MARCHF1: variants seen among roughly 807,000 people sequenced by gnomAD.
The protein encoded by MARCHF1 is membrane associated ring-CH-type finger 1, also known as E3 ubiquitin-protein ligase MARCHF1.
In MARCHF1, 40 loss-of-function variants were observed where a neutral mutation model predicts 54.2. That is an observed-to-expected ratio of 0.74 (90% CI 0.57 to 0.96). The LOEUF (loss-of-function observed/expected upper bound fraction) is 0.96, where lower values mean the gene tolerates loss of function less well. Ranked by LOEUF, MARCHF1 falls within the 40% of genes least tolerant of loss-of-function variation. The pLI is 0.00. For missense variants in MARCHF1, 586 were observed against 656.5 expected (o/e 0.89, Z 1.17); for synonymous variants, 236 against 236.3 (o/e 1.00, Z 0.01).
chr4:164,139,514 AGGAGAAAGAG>A (rs1756475560), intron 1 of MARCHF1, among the ~76,000 whole-genome samples: 1 of 151,788 alleles, frequency 6.6e-6, no homozygotes, highest in South Asian at 2.1e-4. Context: ...AAAGAAGGAA[AGGAGAAAGAG>A]GGAGAAAGAG....
chr4:163,878,679 T>C (rs1250277670), intron 3 of MARCHF1, among the ~76,000 whole-genome samples: 2 of 152,220 alleles, frequency 1.3e-5, no homozygotes, highest in Non-Finnish European at 2.9e-5. Context: ...GTTGAAGGAC[T>C]CTTTCCCTAA....
intron 1 of MARCHF1, among the ~76,000 whole-genome samples, chr4:164,247,934 G>A (rs573488078): frequency 6.6e-6 from 1 of 151,140 alleles, no homozygotes; most frequent in African/African-American, 2.4e-5. Context: ...TTAAGAGCTT[G>A]GGAATGTGAG....
At chr4:164,325,985 A>G (rs1046637602) in intron 1 of MARCHF1, among the ~76,000 whole-genome samples, 1 of 152,194 alleles carries the variant, frequency 6.6e-6, no homozygotes, top group Non-Finnish European at 1.5e-5. Flanking sequence ...ACTATTGTAC[A>G]TTTTTATGTC....
At chr4:163,729,398 C>T (rs1393106436) in intron 4 of MARCHF1, among the ~76,000 whole-genome samples, 7 of 117,766 alleles carry the variant, frequency 5.9e-5, no homozygotes, top group African/African-American at 9.2e-5. Context: ...GTTCACTCAA[C>T]TGCTTCTGGT....
intron 1 of MARCHF1, among the ~76,000 whole-genome samples, chr4:164,379,791 G>A (rs1731314631): frequency 1.3e-5 from 2 of 151,862 alleles, no homozygotes; most frequent in South Asian, 4.2e-4. Context: ...TTTTAGCATA[G>A]ATGGTGAAAC....
intron 4 of MARCHF1, among the ~76,000 whole-genome samples, chr4:163,789,484 C>A (rs1001843676): frequency 6.6e-6 from 1 of 151,812 alleles, no homozygotes. Flanking sequence ...TGCACTTGCA[C>A]CCCTGAACTT....
chr4:163,931,217 A>AAATTT (rs1032863066), intron 3 of MARCHF1, among the ~76,000 whole-genome samples: 2 of 152,158 alleles, frequency 1.3e-5, no homozygotes, highest in African/African-American at 4.8e-5. Flanking sequence ...GTGAGAAAAT[A>AAATTT]AATTTCTGTT....
At chr4:164,362,640 G>T (rs2110929932) in intron 1 of MARCHF1, among the ~76,000 whole-genome samples, 1 of 152,250 alleles carries the variant, frequency 6.6e-6, no homozygotes, top group South Asian at 2.1e-4. Flanking sequence ...TTTGTTACTA[G>T]TTAAAACTTA....
At chr4:164,176,970 C>CTATA (rs1553989360) in intron 1 of MARCHF1, among the ~76,000 whole-genome samples, 4 of 57,444 alleles carry the variant, frequency 7.0e-5, no homozygotes, top group African/African-American at 8.0e-5. Context: ...CTCTCTCTCT[C>CTATA]TCTCTCTCTC....
intron 7 of MARCHF1, 77 bp downstream of exon 7, chr4:163,612,194 G>A (rs560988742): frequency 1.1e-5 from 13 of 1,216,142 alleles, no homozygotes; most frequent in East Asian, 8.1e-5. Flanking sequence ...TTGAGGGTAG[G>A]TGTCAAACAC....
intron 3 of MARCHF1, among the ~76,000 whole-genome samples, chr4:163,938,654 A>G (rs1271450921): frequency 6.6e-6 from 1 of 151,652 alleles, no homozygotes; most frequent in East Asian, 1.9e-4. Context: ...TGCTGTTATG[A>G]AGAAATACCC....
chr4:163,860,216 T>G (rs1749886475), intron 3 of MARCHF1, among the ~76,000 whole-genome samples: 1 of 152,102 alleles, frequency 6.6e-6, no homozygotes, highest in Admixed American at 6.6e-5. Context: ...GGGGTAGAAA[T>G]TCTTAAGCTG....
chr4:164,095,398 T>C (rs1409731303), intron 2 of MARCHF1, among the ~76,000 whole-genome samples: 1 of 148,696 alleles, frequency 6.7e-6, no homozygotes, highest in Non-Finnish European at 1.5e-5. Flanking sequence ...GTGTTTGCTA[T>C]ATTACACACA....
chr4:163,637,142 C>T (rs932800455), intron 5 of MARCHF1, among the ~76,000 whole-genome samples: 1 of 151,760 alleles, frequency 6.6e-6, no homozygotes, highest in African/African-American at 2.4e-5. Flanking sequence ...CCATAAAAAC[C>T]CTAGAAGAAA....
chr4:164,049,993 G>A (rs1421620081), intron 2 of MARCHF1, among the ~76,000 whole-genome samples: 1 of 152,100 alleles, frequency 6.6e-6, no homozygotes, highest in East Asian at 1.9e-4. Flanking sequence ...TGAAGGCCTA[G>A]GCCAGGAGCA....
intron 4 of MARCHF1, among the ~76,000 whole-genome samples, chr4:163,723,527 T>A (rs1745548410): frequency 6.6e-6 from 1 of 152,142 alleles, no homozygotes; most frequent in Non-Finnish European, 1.5e-5. Context: ...TCGAGGAGTA[T>A]CTTTGTGGCG....
chr4:163,528,160 G>GCAT lies in MARCHF1; in HGVS notation c.*585_*587dup, dbSNP rs1317217266. 2 of 152,526 alleles carry GCAT rather than the reference G, an allele frequency of 1.3e-5. No homozygotes were observed. The highest frequency in any genetic ancestry group is 2.1e-4 in the South Asian group (1 of 4,824). The allele number at this position is 152,526 out of a possible 1,614,324, so 9.4% of individuals were successfully genotyped here. On this transcript the variant is annotated 3_prime_UTR_variant, in exon 10 of 10. Transcript: ENST00000514618. ...ATATCAATGTCTTCAAATGTATATT[G>GCAT]CATCTATTTAAAAAAAACATGCATC...
intron 2 of MARCHF1, among the ~76,000 whole-genome samples, chr4:164,108,330 A>AT (rs1338181537): frequency 2.0e-5 from 3 of 152,022 alleles, no homozygotes; most frequent in East Asian, 3.9e-4. Flanking sequence ...TGTAATAACG[A>AT]TTTTTTACTA....
At chr4:163,814,956 A>T (rs572285842) in intron 4 of MARCHF1, among the ~76,000 whole-genome samples, 1 of 152,212 alleles carries the variant, frequency 6.6e-6, no homozygotes, top group East Asian at 1.9e-4. Flanking sequence ...TATAAGCTGA[A>T]TTTTTTTCTG....
Sources: allele counts gnomAD v4.1 joint callset (sites outside exome capture counted in the v4.1 genomes callset), GRCh38; gene constraint gnomAD v4.1.1; transcripts MANE v1.5; gene names NCBI Gene and HGNC (gene_info 2026-07-23, HGNC 2026-07-21).